Variants in ANO2 observed in about 807,000 individuals in gnomAD.
The protein encoded by ANO2 is anoctamin 2.
Under a neutral mutation model 124.2 loss-of-function variants are expected in ANO2, and 101 were observed. The ratio of observed to expected loss-of-function variants is 0.81; its 90% CI spans 0.69 to 0.96. The LOEUF (loss-of-function observed/expected upper bound fraction) is 0.96, where lower values mean the gene tolerates loss of function less well. ANO2 is among the 40% of genes least tolerant of loss of function. The pLI, the probability that ANO2 is intolerant of heterozygous loss-of-function variation, is 0.00. For missense variants in ANO2, 1,293 were observed against 1,274.5 expected, an observed-to-expected ratio of 1.01 and a Z score of -0.22; for synonymous variants, 486 against 482.5, an observed-to-expected ratio of 1.01 and a Z score of -0.09.
chr12:5,632,497 G>A (rs1442619420), intron 16 of ANO2, among the ~76,000 whole-genome samples: 3 of 151,958 alleles, frequency 2.0e-5, no homozygotes, highest in Non-Finnish European at 4.4e-5. Flanking sequence ...TGCTTGTTAG[G>A]ATTTTATCTC....
intron 14 of ANO2, among the ~76,000 whole-genome samples, chr12:5,683,781 T>C (rs1181293719): frequency 6.6e-6 from 1 of 151,920 alleles, no homozygotes; most frequent in Non-Finnish European, 1.5e-5. Context: ...GAGAGAGAAC[T>C]CAGTGAGGAC....
chr12:5,920,728 C>G (rs11615666), intron 3 of ANO2, among the ~76,000 whole-genome samples: 22,997 of 151,948 alleles, frequency 0.15, 1,979 homozygotes, highest in Middle Eastern at 0.2. Context: ...TTAGCTGGGT[C>G]TGGTGGCGGG....
intron 10 of ANO2, among the ~76,000 whole-genome samples, chr12:5,793,028 G>A (rs1194826122): frequency 6.6e-6 from 1 of 152,166 alleles, no homozygotes; most frequent in Non-Finnish European, 1.5e-5. Flanking sequence ...ATATGGAAAC[G>A]CAGAAAGTCC....
intron 23 of ANO2, 128 bp downstream of exon 23, chr12:5,575,706 T>G: frequency 9.7e-7 from 1 of 1,029,424 alleles, no homozygotes; most frequent in Non-Finnish European, 1.4e-6. Context: ...ACAATCGCCA[T>G]ATATGTGGTC....
At chr12:5,866,130 A>G (rs1331712989) in intron 3 of ANO2, among the ~76,000 whole-genome samples, 1 of 152,214 alleles carries the variant, frequency 6.6e-6, no homozygotes. Flanking sequence ...CTTCTGGAAT[A>G]TGCTTGTAAT....
intron 7 of ANO2, among the ~76,000 whole-genome samples, chr12:5,813,165 C>G (rs1468632917): frequency 6.6e-6 from 1 of 152,092 alleles, no homozygotes; most frequent in Non-Finnish European, 1.5e-5. Context: ...GGACTGAATG[C>G]CAAATGTTCA....
intron 10 of ANO2, among the ~76,000 whole-genome samples, chr12:5,751,335 C>G (rs188220125): frequency 8.5e-5 from 13 of 152,360 alleles, no homozygotes; most frequent in African/African-American, 2.4e-4. Context: ...CCATAGCACT[C>G]AACCCATAAG....
At position 5,812,569 on chromosome 12, in the gene ANO2, GA is replaced by G. The variant is rs994240088; in HGVS notation, c.893-5202del. On this transcript the variant is annotated intron_variant, in intron 7 of 24. Coordinates refer to ENST00000682330, the MANE Select transcript of ANO2 (RefSeq NM_001364791.2). ...AAGCGAAGAAAGAAAGAAAGAAAAA[GA>G]AAAAAAGAAAGAGAAAGAAAGAGGA... Among the ~76,000 whole-genome samples the G allele has an allele frequency of 1.4e-3, 29 of 20,706 alleles. 2 individuals carry two copies. The highest frequency in any genetic ancestry group is 4.4e-3 in the African/African-American group (25 of 5,716). The allele number at this position is 20,706 out of a possible 152,430, so 13.6% of individuals were successfully genotyped here. A position where few individuals can be genotyped will look rare whatever the true frequency, so the allele number is the denominator to read the frequency against.
intron 23 of ANO2, among the ~76,000 whole-genome samples, chr12:5,574,723 C>T (rs1478595433): frequency 6.6e-6 from 1 of 152,196 alleles, no homozygotes; most frequent in Non-Finnish European, 1.5e-5. Context: ...CTCCCTGGGT[C>T]CTACCAACTC....
chr12:5,789,895 C>T (rs1952647693), intron 10 of ANO2, among the ~76,000 whole-genome samples: 1 of 152,194 alleles, frequency 6.6e-6, no homozygotes, highest in Non-Finnish European at 1.5e-5. Context: ...ATGTTGGTTA[C>T]ATAGCCATGT....
Position 5,635,996 on chromosome 12 carries a change from G to T in ANO2, c.1621-649C>A, listed in dbSNP as rs1310634212. ...AAAGGAGAAAAGAGGGAATACATCA[G>T]GAGTGAGATTTTAGGAATCTCAGTC... On this transcript the variant is annotated intron_variant, in intron 15 of 24. Transcript: ENST00000682330. This position sits in a 1 kb window ranked among gnomAD's most constrained non-coding sequence, Gnocchi z 5.2. 2.0e-5 allele frequency among the ~76,000 whole-genome samples: 3 copies of T among 152,262 alleles called. No homozygotes were observed. Among genetic ancestry groups the T allele is most frequent in the East Asian group, 3.9e-4 (2 of 5,168 alleles).
chr12:5,868,777 T>C (rs1326585912), intron 3 of ANO2, among the ~76,000 whole-genome samples: 1 of 152,198 alleles, frequency 6.6e-6, no homozygotes, highest in Admixed American at 6.5e-5. Context: ...CAGTCCTGCC[T>C]GAGACCGCAG....
At chr12:5,700,688 C>T (rs1466955613) in intron 14 of ANO2, among the ~76,000 whole-genome samples, 1 of 151,998 alleles carries the variant, frequency 6.6e-6, no homozygotes, top group African/African-American at 2.4e-5. Context: ...TGATAGAGCA[C>T]CAGCAAGACT....
intron 10 of ANO2, among the ~76,000 whole-genome samples, chr12:5,760,394 C>A (rs770989696): frequency 3.9e-5 from 6 of 152,122 alleles, no homozygotes; most frequent in Non-Finnish European, 7.3e-5. Context: ...CTCTGTCCAC[C>A]TTAATGGAAG....
At chr12:5,629,667 C>T (rs1233909364) in intron 16 of ANO2, among the ~76,000 whole-genome samples, 3 of 152,172 alleles carry the variant, frequency 2.0e-5, no homozygotes, top group African/African-American at 4.8e-5. Flanking sequence ...GTGAATGGAT[C>T]ACTGGGGACT....
intron 10 of ANO2, among the ~76,000 whole-genome samples, chr12:5,795,784 T>C (rs1591626856): frequency 6.6e-6 from 1 of 152,142 alleles, no homozygotes; most frequent in Admixed American, 6.5e-5. Context: ...CTGACTAGTA[T>C]TGGGTCAGAC....
At chr12:5,721,866 C>A (rs1950249121) in intron 14 of ANO2, among the ~76,000 whole-genome samples, 1 of 152,126 alleles carries the variant, frequency 6.6e-6, no homozygotes, top group South Asian at 2.1e-4. Context: ...CCCTTAAGGT[C>A]CCAGCAACTT....
intron 1 of ANO2, among the ~76,000 whole-genome samples, chr12:5,938,650 G>A (rs188738752): frequency 5.9e-4 from 89 of 152,108 alleles, no homozygotes; most frequent in South Asian, 4.8e-3. Context: ...GTGAAACTCC[G>A]TCTCTACTGA....
At chr12:5,667,432 A>G (rs1947785715) in intron 14 of ANO2, among the ~76,000 whole-genome samples, 1 of 151,928 alleles carries the variant, frequency 6.6e-6, no homozygotes, top group Non-Finnish European at 1.5e-5. Flanking sequence ...CTCCTAGTTC[A>G]TGAAAAGATT....
Sources: allele counts gnomAD v4.1 joint callset (sites outside exome capture counted in the v4.1 genomes callset), GRCh38; gene constraint gnomAD v4.1.1; non-coding constraint Gnocchi (gnomAD v3.1); transcripts MANE v1.5; gene names NCBI Gene and HGNC (gene_info 2026-07-23, HGNC 2026-07-21).